The following SLC9C2 variants were observed in gnomAD, a reference collection of about 807,000 sequenced individuals.
SLC9C2 encodes sodium/hydrogen exchanger 11.
SLC9C2 carries 75 observed loss-of-function variants against 140.2 expected under a neutral mutation model. The ratio of observed to expected loss-of-function variants is 0.53; its 90% CI spans 0.44 to 0.65. The LOEUF is 0.65. Ranked by LOEUF, SLC9C2 falls within the 30% of genes least tolerant of loss-of-function variation. The probability of loss-of-function intolerance (pLI) is 0.00; values close to 1 mark genes in which losing one functional copy is unlikely to be tolerated. For synonymous variants in SLC9C2, 375 were observed against 420.9 expected (o/e 0.89, Z 1.34); for missense variants, 1,074 against 1,331.8 (o/e 0.81, Z 3.01).
chr1:173,581,135 C>T (rs984911241), intron 7 of SLC9C2, among the ~76,000 whole-genome samples: 1 of 152,136 alleles, frequency 6.6e-6, no homozygotes, highest in Non-Finnish European at 1.5e-5. Context: ...AAGTAATTAA[C>T]CTCTTGATAC....
At chr1:173,534,798 A>G in intron 15 of SLC9C2, 116 bp from the exon 16 acceptor site, 1 of 837,230 alleles carries the variant, frequency 1.2e-6, no homozygotes, top group South Asian at 3.0e-5. Context: ...ATAATATAAA[A>G]TAATAGTAAG....
At chr1:173,559,968 T>G (rs1316493493) in intron 9 of SLC9C2, among the ~76,000 whole-genome samples, 1 of 152,200 alleles carries the variant, frequency 6.6e-6, no homozygotes, top group Non-Finnish European at 1.5e-5. Context: ...CACCATGGCA[T>G]AAAATAAAAT....
intron 14 of SLC9C2, 108 bp from the exon 15 acceptor site, chr1:173,536,057 C>G: frequency 1.1e-6 from 1 of 948,390 alleles, no homozygotes; most frequent in Non-Finnish European, 1.5e-6. Context: ...ATGGACCCAC[C>G]AAATAAGCTC....
At chr1:173,542,807 C>T (rs961567483) in intron 13 of SLC9C2, among the ~76,000 whole-genome samples, 1 of 152,220 alleles carries the variant, frequency 6.6e-6, no homozygotes, top group African/African-American at 2.4e-5. Flanking sequence ...CAAAATTCAA[C>T]AGCCCTACAT....
intron 13 of SLC9C2, among the ~76,000 whole-genome samples, chr1:173,543,524 C>A (rs533072509): frequency 4.1e-4 from 62 of 152,162 alleles, no homozygotes; most frequent in African/African-American, 1.4e-3. Flanking sequence ...CATATGGAAC[C>A]AAAAAAGAGT....
At chr1:173,550,872 AAGAGAGAGAGAGAGAGAGAG>A (rs143296396) in intron 11 of SLC9C2, among the ~76,000 whole-genome samples, 27,103 of 86,496 alleles carry the variant, frequency 0.31, 3,973 homozygotes, top group East Asian at 0.66. Context: ...GAGCCGTTGA[AAGAGAGAGAGAGAGAGAGAG>A]AGAGAGAGAG....
Position 173,533,880 on chromosome 1 carries a change from C to G in SLC9C2, c.1975-83G>C, listed in dbSNP as rs896465222. On this transcript the variant is annotated intron_variant, in intron 16 of 27. Transcript: ENST00000367714. ...AATCTATAAAATTAACAACTAAGTT[C>G]TTAACTACAAATGAGTTATATTCCG... 14 of 1,382,256 alleles carry G rather than the reference C, an allele frequency of 1.0e-5. No individual in the cohort carries two copies. The African/African-American group carries it at 2.1e-4, about 21-fold the overall frequency. 85.6% of individuals were successfully genotyped at this position (1,382,256 alleles called of 1,614,324 possible).
chr1:173,600,005 G>C, intron 3 of SLC9C2, 112 bp downstream of exon 3: 2 of 610,354 alleles, frequency 3.3e-6, no homozygotes, highest in Non-Finnish European at 5.4e-6. Flanking sequence ...AAAATTTTTT[G>C]AGTAGCTGTT....
intron 4 of SLC9C2, among the ~76,000 whole-genome samples, chr1:173,597,361 A>G (rs1003269952): frequency 6.6e-6 from 1 of 152,130 alleles, no homozygotes; most frequent in African/African-American, 2.4e-5. Flanking sequence ...AAGAAAATTT[A>G]AAACCTTAAA....
chr1:173,519,661 G>A (rs1009765827), intron 22 of SLC9C2, among the ~76,000 whole-genome samples: 7 of 152,270 alleles, frequency 4.6e-5, no homozygotes, highest in East Asian at 1.9e-4. Flanking sequence ...TTTAAGTATC[G>A]GACTTGCCGT....
chr1:173,518,035 C>T (rs954395827), intron 22 of SLC9C2, among the ~76,000 whole-genome samples: 7 of 152,056 alleles, frequency 4.6e-5, no homozygotes, highest in South Asian at 2.1e-4. Flanking sequence ...CCAAGGCGGG[C>T]GGATCACAAG....
At chr1:173,577,381 C>G (rs536853464) in intron 7 of SLC9C2, among the ~76,000 whole-genome samples, 2 of 152,288 alleles carry the variant, frequency 1.3e-5, no homozygotes, top group East Asian at 3.9e-4. Context: ...ATAGACCTCC[C>G]TAATTAAACT....
intron 6 of SLC9C2, among the ~76,000 whole-genome samples, chr1:173,582,752 A>T (rs2102221360): frequency 6.6e-6 from 1 of 152,280 alleles, no homozygotes; most frequent in African/African-American, 2.4e-5. Context: ...ACAGCTTCAT[A>T]TCCCAGTGGG....
chr1:173,502,272 C>CAAA (rs34183286), intron 27 of SLC9C2, among the ~76,000 whole-genome samples: 2,722 of 40,492 alleles, frequency 0.067, 407 homozygotes, highest in African/African-American at 0.19. Context: ...GATTCCATCT[C>CAAA]AAAAAAAAAA....
At chr1:173,537,076 A>G (rs763934111) in intron 13 of SLC9C2, 37 bp from the exon 14 acceptor site, 1 of 1,503,280 alleles carries the variant, frequency 6.7e-7, no homozygotes, top group South Asian at 1.1e-5. Flanking sequence ...AAAAGATCAA[A>G]ACATAAATGG....
intron 7 of SLC9C2, among the ~76,000 whole-genome samples, chr1:173,579,043 G>T (rs953202828): frequency 3.3e-5 from 5 of 152,176 alleles, no homozygotes; most frequent in African/African-American, 9.6e-5. Context: ...AGAATTGTTG[G>T]TTGAAATCAG....
intron 23 of SLC9C2, among the ~76,000 whole-genome samples, chr1:173,511,029 C>CTTTTTTTTTTTTTTTTTT (rs71111066): frequency 8.1e-5 from 7 of 86,746 alleles, no homozygotes; most frequent in African/African-American, 3.8e-4. Flanking sequence ...CTTTCTTTTC[C>CTTTTTTTTTTTTTTTTTT]TTTTTTTTTT....
chr1:173,565,674 T>A (rs1340430584), intron 9 of SLC9C2, among the ~76,000 whole-genome samples: 1 of 152,220 alleles, frequency 6.6e-6, no homozygotes, highest in African/African-American at 2.4e-5. Flanking sequence ...TTGCTCAGAT[T>A]ACCTTTGGTT....
intron 24 of SLC9C2, among the ~76,000 whole-genome samples, chr1:173,508,035 A>T (rs1324676394): frequency 2.6e-5 from 4 of 152,104 alleles, no homozygotes; most frequent in Non-Finnish European, 5.9e-5. Context: ...GCACAGCTAC[A>T]TGAGCCAGTC....
Sources: gnomAD v4.1 joint callset for allele counts (sites outside exome capture counted in the v4.1 genomes callset) on GRCh38, gnomAD v4.1.1 for gene constraint, MANE v1.5 for transcripts, NCBI Gene and HGNC (gene_info 2026-07-23, HGNC 2026-07-21) for gene names.